Variants in MLLT10 observed in about 807,000 individuals in gnomAD.
MLLT10 encodes the protein protein AF-10.
MLLT10 carries 30 observed loss-of-function variants against 129.1 expected under a neutral mutation model. The observed-to-expected ratio is 0.23, with a 90% CI of 0.17 to 0.32. The LOEUF (loss-of-function observed/expected upper bound fraction) is 0.32, where lower values mean the gene tolerates loss of function less well. Ranked by LOEUF, MLLT10 falls within the 10% of genes least tolerant of loss-of-function variation. The probability of loss-of-function intolerance (pLI) is 1.00; values close to 1 mark genes in which losing one functional copy is unlikely to be tolerated. For synonymous variants in MLLT10, 490 were observed against 446.4 expected, an observed-to-expected ratio of 1.10 and a Z score of -1.23; for missense variants, 1,119 against 1,268.3, an observed-to-expected ratio of 0.88 and a Z score of 1.79.
At chr10:21,581,044 ATTTTTTT>A (rs35410894) in intron 3 of MLLT10, among the ~76,000 whole-genome samples, 32 of 128,746 alleles carry the variant, frequency 2.5e-4, no homozygotes, top group Middle Eastern at 5.2e-3. Context: ...TGTTCAGTGA[ATTTTTTT>A]TTTTTTTTTT....
intron 14 of MLLT10, among the ~76,000 whole-genome samples, chr10:21,716,798 T>A (rs1168511567): frequency 6.6e-6 from 1 of 151,976 alleles, no homozygotes; most frequent in East Asian, 1.9e-4. Context: ...ATGATGGAAA[T>A]ATTAAACTTG....
chr10:21,704,747 T>C (rs1423627222), intron 13 of MLLT10, among the ~76,000 whole-genome samples: 1 of 152,124 alleles, frequency 6.6e-6, no homozygotes, highest in Non-Finnish European at 1.5e-5. Context: ...ATATCTATGG[T>C]GTTGCTTGGG....
chr10:21,643,099 C>T (rs2048173739), intron 8 of MLLT10, among the ~76,000 whole-genome samples: 1 of 152,114 alleles, frequency 6.6e-6, no homozygotes, highest in Admixed American at 6.5e-5. Context: ...GTGGTGCAAT[C>T]TCGGCTCACT....
At chr10:21,693,252 A>G (rs1211076523) in intron 13 of MLLT10, among the ~76,000 whole-genome samples, 2 of 152,212 alleles carry the variant, frequency 1.3e-5, no homozygotes, top group Admixed American at 6.5e-5. Context: ...TTGCTTTGCA[A>G]TGTTAATATA....
At chr10:21,717,542 CCTT>C (rs1206518165) in intron 14 of MLLT10, among the ~76,000 whole-genome samples, 2 of 115,656 alleles carry the variant, frequency 1.7e-5, no homozygotes, top group African/African-American at 7.0e-5. Flanking sequence ...CCTCCTCCTC[CCTT>C]CTTCTTTCTT....
chr10:21,567,803 CT>C (rs945070760), intron 3 of MLLT10, among the ~76,000 whole-genome samples: 2 of 149,858 alleles, frequency 1.3e-5, no homozygotes, highest in African/African-American at 4.9e-5. Flanking sequence ...AGAGAGAAGG[CT>C]TTTGTTGGGG....
intron 3 of MLLT10, among the ~76,000 whole-genome samples, chr10:21,545,375 C>G (rs934476074): frequency 1.3e-5 from 2 of 151,432 alleles, no homozygotes; most frequent in African/African-American, 4.9e-5. Context: ...ACTAGGTGTT[C>G]AGGAAAGAAA....
chr10:21,577,348 T>C (rs961779491), intron 3 of MLLT10, among the ~76,000 whole-genome samples: 2 of 152,218 alleles, frequency 1.3e-5, no homozygotes, highest in African/African-American at 4.8e-5. Flanking sequence ...ATCCAGACAT[T>C]TGTTTTGAAT....
At chr10:21,596,801 A>G (rs1420483343) in intron 5 of MLLT10, among the ~76,000 whole-genome samples, 1 of 151,988 alleles carries the variant, frequency 6.6e-6, no homozygotes, top group Non-Finnish European at 1.5e-5. Flanking sequence ...GTTAGAGATC[A>G]TATTATTTTG....
Position 21,625,140 on chromosome 10 carries a change from G to A in MLLT10, c.699+7933G>A, listed in dbSNP as rs1405807725. 10 of 1,078,420 alleles carry A rather than the reference G, an allele frequency of 9.3e-6. 1 individual carries two copies. The highest frequency in any genetic ancestry group is 5.1e-5 in the South Asian group (4 of 77,888). The allele number at this position is 1,078,420 out of a possible 1,614,324, so 66.8% of individuals were successfully genotyped here. ...TCTCCCCCAACCTCTAATCGGAAGC[G>A]GCATGCGAGGAGGAGGGTGTAGTGA... On this transcript the variant is annotated intron_variant, in intron 8 of 22. Transcript: ENST00000307729.
At chr10:21,575,426 A>T (rs534826259) in intron 3 of MLLT10, among the ~76,000 whole-genome samples, 1 of 152,192 alleles carries the variant, frequency 6.6e-6, no homozygotes, top group African/African-American at 2.4e-5. Flanking sequence ...TGAACTTGCG[A>T]CCTCAGATGA....
chr10:21,634,638 A>G (rs983926078), intron 8 of MLLT10, among the ~76,000 whole-genome samples: 2 of 152,172 alleles, frequency 1.3e-5, no homozygotes, highest in African/African-American at 4.8e-5. Flanking sequence ...GGTGGTAATA[A>G]TGTGATGATT....
At chr10:21,603,173 C>T (rs1386994253) in intron 5 of MLLT10, among the ~76,000 whole-genome samples, 2 of 151,896 alleles carry the variant, frequency 1.3e-5, no homozygotes, top group Non-Finnish European at 2.9e-5. Context: ...CTGTCTCAGC[C>T]TCCCGAGTAG....
chr10:21,536,338 G>A (rs914766252), intron 2 of MLLT10, among the ~76,000 whole-genome samples: 2 of 152,182 alleles, frequency 1.3e-5, no homozygotes, highest in South Asian at 2.1e-4. Flanking sequence ...GTCATCCCAT[G>A]TTCATTGGCA....
intron 21 of MLLT10, among the ~76,000 whole-genome samples, chr10:21,739,262 C>G (rs1305786024): frequency 6.6e-6 from 1 of 152,210 alleles, no homozygotes; most frequent in African/African-American, 2.4e-5. Flanking sequence ...CGGGTCCTTG[C>G]TGCCACTGGA....
intron 14 of MLLT10, among the ~76,000 whole-genome samples, chr10:21,717,701 T>TTCCTCCTCCTCCTCC (rs1431213350): frequency 4.3e-5 from 1 of 23,394 alleles, no homozygotes; most frequent in Non-Finnish European, 7.9e-5. Context: ...CCTCCTCCTC[T>TTCCTCCTCCTCCTCC]TCCTCCTCCT....
intron 11 of MLLT10, among the ~76,000 whole-genome samples, chr10:21,675,695 A>C (rs1328516724): frequency 6.6e-6 from 1 of 152,230 alleles, no homozygotes; most frequent in Non-Finnish European, 1.5e-5. Context: ...AGGCGTAGTA[A>C]TCAATCACAT....
In MLLT10 at chr10:21,652,385, AGT is replaced by A. The variant is rs148231383; in HGVS notation, c.795+620_795+621del. ...TTCTGGCCTTGCCACTTACTGATTG[AGT>A]GTTTAGGTTAATTAACCTTGGTTAA... is the stretch of plus-strand genomic sequence containing the variant. On this transcript the variant is annotated intron_variant, in intron 9 of 22. Coordinates refer to ENST00000307729, the MANE Select transcript of MLLT10 (RefSeq NM_001195626.3). Among the ~76,000 whole-genome samples the A allele has an allele frequency of 7.9e-3, 1,204 of 152,258 alleles. 10 individuals carry two copies. Among genetic ancestry groups the A allele is most frequent in the Non-Finnish European group, 0.012 (803 of 68,016 alleles).
intron 3 of MLLT10, among the ~76,000 whole-genome samples, chr10:21,574,346 TC>T (rs2040512706): frequency 6.6e-6 from 1 of 152,118 alleles, no homozygotes; most frequent in Non-Finnish European, 1.5e-5. Flanking sequence ...TTTGTATTCT[TC>T]CTATTTAAAA....
Sources: allele counts gnomAD v4.1 joint callset (sites outside exome capture counted in the v4.1 genomes callset), GRCh38; gene constraint gnomAD v4.1.1; transcripts MANE v1.5; gene names NCBI Gene and HGNC (gene_info 2026-07-23, HGNC 2026-07-21).